The following POMGNT1 variants were observed in gnomAD, a reference collection of about 807,000 sequenced individuals.
The protein encoded by POMGNT1 is protein O-linked mannose N-acetylglucosaminyltransferase 1 (beta 1,2-), also known as protein O-linked-mannose beta-1,2-N-acetylglucosaminyltransferase 1.
POMGNT1 carries 67 observed loss-of-function variants against 95.6 expected under a neutral mutation model. The observed-to-expected ratio is 0.70, with a 90% CI of 0.58 to 0.86. POMGNT1 has a LOEUF of 0.86. Among genes scored for constraint, POMGNT1 ranks in the 40% least tolerant of loss-of-function variants. The pLI is 0.00. For synonymous variants in POMGNT1, 298 were observed against 317.9 expected (o/e 0.94, Z 0.66); for missense variants, 719 against 855.2 (o/e 0.84, Z 1.99).
chr1:46,202,696 CAAAAA>C (rs768113273), upstream of POMGNT1, among the ~76,000 whole-genome samples: 34 of 32,252 alleles, frequency 1.1e-3, no homozygotes, highest in South Asian at 0.049. Context: ...GACTCTGTCT[CAAAAA>C]AAAAAAAAAA....
In POMGNT1 at chr1:46,192,453, A is replaced by C; in HGVS notation, c.1285-17T>G. 6.2e-7 allele frequency: 1 copy of C among 1,614,164 alleles called. No individual in the cohort carries two copies. On this transcript the variant is annotated splice_polypyrimidine_tract_variant and intron_variant, in intron 15 of 21. Coordinates refer to ENST00000371984, the MANE Select transcript of POMGNT1 (RefSeq NM_017739.4). Reference sequence around the variant, plus strand: ...TTCATACCCCTGGGGACAGGGTGCCATAGTGGGAGGTATTAGCTGAGGCCT... The same window carrying C: ...TTCATACCCCTGGGGACAGGGTGCCCTAGTGGGAGGTATTAGCTGAGGCCT...
chr1:46,194,665 G>A lies in POMGNT1; in HGVS notation c.653-14C>T. The A allele has an allele frequency of 6.2e-7, 1 of 1,614,270 alleles. No homozygotes were observed. Among genetic ancestry groups the A allele is most frequent in the Non-Finnish European group, 8.5e-7 (1 of 1,180,048 alleles). ...CGAAGACAGGACCTGGCAGGAGGCA[G>A]GAATGAGGGCCATGGGGGCCCAGAC... is the stretch of plus-strand genomic sequence containing the variant. On this transcript the variant is annotated splice_polypyrimidine_tract_variant and intron_variant, in intron 7 of 21. Coordinates refer to ENST00000371984, the MANE Select transcript of POMGNT1 (RefSeq NM_017739.4).
chr1:46,190,097 CTTTTTTTTTT>C, intron 19 of POMGNT1, 108 bp from the exon 20 acceptor site: 1 of 807,240 alleles, frequency 1.2e-6, no homozygotes, highest in Non-Finnish European at 1.8e-6. Context: ...CCTTGAAGTT[CTTTTTTTTTT>C]TTTTTTTTTG....
intron 1 of POMGNT1, among the ~76,000 whole-genome samples, chr1:46,216,530 C>G (rs2148252220): frequency 6.6e-6 from 1 of 152,174 alleles, no homozygotes; most frequent in South Asian, 2.1e-4. Context: ...TTTGTAGAGA[C>G]AGTGTCTCAC....
intron 17 of POMGNT1, chr1:46,191,856 G>A (rs555180130): frequency 6.5e-6 from 3 of 462,848 alleles, no homozygotes; most frequent in Admixed American, 3.2e-5. Context: ...GGATGGTCTC[G>A]ATCTCCTGAC....
intron 1 of POMGNT1, among the ~76,000 whole-genome samples, chr1:46,216,031 CTTTTA>C (rs1659053143): frequency 7.0e-6 from 1 of 142,624 alleles, no homozygotes. Flanking sequence ...ATAATTTCAA[CTTTTA>C]TTTTATCTTT....
In POMGNT1 at chr1:46,194,563, G is replaced by A. The variant is rs376799888; in HGVS notation, c.741C>T (p.Ser247=). 3 of 1,614,068 alleles carry A rather than the reference G, an allele frequency of 1.9e-6. No homozygotes were observed. The highest frequency in any genetic ancestry group is 1.7e-6 in the Non-Finnish European group (2 of 1,180,040). Residue 247 remains serine (S), a synonymous_variant, in exon 8 of 22, where the codon AGC becomes AGT. Coordinates refer to ENST00000371984, the MANE Select transcript of POMGNT1 (RefSeq NM_017739.4). ...PVLLKTDVPL[S]SAEEAECHWA... ...CTCCACTAACTCCACCTTCTGCTGA[G>A]CTCAATGGCACATCTGTCTTCAGCA...
intron 1 of POMGNT1, among the ~76,000 whole-genome samples, chr1:46,218,533 C>G (rs1012189760): frequency 2.0e-5 from 3 of 152,190 alleles, no homozygotes; most frequent in Admixed American, 2.0e-4. Context: ...ATGCCAGTTG[C>G]TAAAATGTTT....
At chr1:46,212,432 T>C (rs1429361817) in intron 1 of POMGNT1, among the ~76,000 whole-genome samples, 20 of 146,192 alleles carry the variant, frequency 1.4e-4, no homozygotes, top group African/African-American at 5.1e-4. Flanking sequence ...AGGCGTACAC[T>C]GCCACGCCCA....
intron 1 of POMGNT1, among the ~76,000 whole-genome samples, chr1:46,210,723 A>C (rs1658866603): frequency 6.6e-6 from 1 of 152,170 alleles, no homozygotes; most frequent in Non-Finnish European, 1.5e-5. Flanking sequence ...CCCTGGGTGC[A>C]CCACCCTCCA....
chr1:46,205,148 C>T (rs966338275), intron 1 of POMGNT1, among the ~76,000 whole-genome samples: 4 of 152,024 alleles, frequency 2.6e-5, no homozygotes, highest in African/African-American at 9.7e-5. Context: ...GTCCTAGCTA[C>T]TCTGGAGGCA....
chr1:46,192,248 G>A, intron 16 of POMGNT1, 25 bp from the exon 17 acceptor site: 1 of 1,614,222 alleles, frequency 6.2e-7, no homozygotes, highest in Non-Finnish European at 8.5e-7. Context: ...CCACGATGAA[G>A]GTTAAGATGT....
At chr1:46,195,292 G>A (rs1037193473) in intron 6 of POMGNT1, among the ~76,000 whole-genome samples, 4 of 151,920 alleles carry the variant, frequency 2.6e-5, no homozygotes, top group East Asian at 1.9e-4. Flanking sequence ...CAAATATGCC[G>A]TGTACCTTCC....
In POMGNT1 at chr1:46,194,542, A is replaced by C; in HGVS notation, c.751+11T>G. ...CCAGGCCCTGCCCCATCCATGCTCC[A>C]CTAACTCCACCTTCTGCTGAGCTCA... On this transcript the variant is annotated intron_variant, in intron 8 of 21. Transcript: ENST00000371984. The C allele has an allele frequency of 6.2e-7, 1 of 1,613,880 alleles. No individual in the cohort carries two copies. The highest frequency in any genetic ancestry group is 8.5e-7 in the Non-Finnish European group (1 of 1,179,960).
chr1:46,215,216 A>G (rs1235836685), intron 1 of POMGNT1, among the ~76,000 whole-genome samples: 1 of 144,662 alleles, frequency 6.9e-6, no homozygotes, highest in Non-Finnish European at 1.5e-5. Context: ...ACACAACAAA[A>G]CTCTGTCTCA....
Position 46,188,810 on chromosome 1 carries a change from T to G in POMGNT1, c.*460A>C. On this transcript the variant is annotated 3_prime_UTR_variant, in exon 22 of 22. Transcript: ENST00000371984. ...CTCTGAGTGAGTCTGTGTCAGCATGTGGGCCCCAGCTGGGCCTGTCCATGG... is the reference window on the plus strand; with the variant it reads ...CTCTGAGTGAGTCTGTGTCAGCATGGGGGCCCCAGCTGGGCCTGTCCATGG... 6.2e-7 allele frequency: 1 copy of G among 1,612,906 alleles called. No homozygotes were observed. The highest frequency in any genetic ancestry group is 8.5e-7 in the Non-Finnish European group (1 of 1,179,896).
chr1:46,214,573 A>G (rs1225561657), intron 1 of POMGNT1, among the ~76,000 whole-genome samples: 3 of 152,142 alleles, frequency 2.0e-5, no homozygotes, highest in Admixed American at 6.5e-5. Context: ...GAAAAACCAA[A>G]GAGTTGATAA....
chr1:46,197,795 G>A lies in POMGNT1; in HGVS notation c.27C>T (p.Leu9=). The part of the protein sequence containing the change: MDDWKPSP[L]IKPFGARKKR... ...TCTTCCGAGCCCCAAAGGGCTTGAT[G>A]AGGGGGCTGGGCTTCCAGTCGTCCA... The change falls in exon 2 of 22, where the codon CTC becomes CTT. Residue 9 remains leucine, a synonymous_variant. Transcript: ENST00000371984. 6.2e-7 allele frequency: 1 copy of A among 1,614,136 alleles called. No individual in the cohort carries two copies. Among genetic ancestry groups the A allele is most frequent in the East Asian group, 2.2e-5 (1 of 44,880 alleles).
intron 7 of POMGNT1, 84 bp downstream of exon 7, chr1:46,194,760 G>A: frequency 1.9e-6 from 3 of 1,613,678 alleles, no homozygotes; most frequent in Non-Finnish European, 1.7e-6. Context: ...GCTCCTATTT[G>A]TTCCCCACCC....
Sources: allele counts gnomAD v4.1 joint callset (sites outside exome capture counted in the v4.1 genomes callset), GRCh38; gene constraint gnomAD v4.1.1; transcripts MANE v1.5; gene names NCBI Gene and HGNC (gene_info 2026-07-23, HGNC 2026-07-21).